Variants in TMEM131 observed in about 807,000 individuals in gnomAD.
TMEM131 encodes 2610524E03Rik.
A neutral mutation model predicts 211.6 loss-of-function variants in TMEM131; 66 were observed. The ratio of observed to expected loss-of-function variants is 0.31; its 90% CI spans 0.26 to 0.38. The LOEUF (loss-of-function observed/expected upper bound fraction) is 0.38, where lower values mean the gene tolerates loss of function less well. TMEM131 is among the 10% of genes least tolerant of loss of function. The probability of loss-of-function intolerance (pLI) is 1.00; values close to 1 mark genes in which losing one functional copy is unlikely to be tolerated. For missense variants in TMEM131, 2,036 were observed against 2,299.3 expected, an observed-to-expected ratio of 0.89 and a Z score of 2.34; for synonymous variants, 844 against 841.3, an observed-to-expected ratio of 1.00 and a Z score of -0.06.
chr2:97,792,856 C>G lies in TMEM131; in HGVS notation c.3674G>C (p.Ser1225Thr), dbSNP rs1197379149. ...GPSVHPHSSH[S>T]NRNSADVENV... ...TTCCACGTCAGCTGAGTTTCTATTG[C>G]TGTGACTGCTGTGTGGGTGGACCGA... The change falls in exon 31 of 41, where the codon AGC (serine) becomes ACC (threonine). Residue 1225 changes from serine (S) to threonine (T), a missense_variant. Physicochemically the swap from Ser to Thr is moderately conservative, Grantham distance 58 (BLOSUM62 1). This residue lies in a region of TMEM131 where 1,623 missense variants were observed against 1,805.9 expected (regional missense o/e 0.90). Coordinates refer to ENST00000186436, the MANE Select transcript of TMEM131 (RefSeq NM_015348.2). The G allele has an allele frequency of 1.2e-6, 2 of 1,613,692 alleles. No individual in the cohort carries two copies. Among genetic ancestry groups the G allele is most frequent in the Non-Finnish European group, 1.7e-6 (2 of 1,179,892 alleles).
intron 3 of TMEM131, among the ~76,000 whole-genome samples, chr2:97,901,917 T>C (rs1192303860): frequency 6.6e-6 from 1 of 152,094 alleles, no homozygotes; most frequent in Non-Finnish European, 1.5e-5. Flanking sequence ...CAACCATATA[T>C]TGCATATTTC....
At chr2:97,793,108 G>A (rs1680583063) in intron 30 of TMEM131, 124 bp from the exon 31 acceptor site, 1 of 727,166 alleles carries the variant, frequency 1.4e-6, no homozygotes, top group Non-Finnish European at 2.2e-6. Flanking sequence ...AAAATAGCAA[G>A]AAATAGGGAA....
rs779408831 is a variant in TMEM131 at position 97,805,443 on chromosome 2, G to C, written c.2217C>G (p.Asn739Lys). 4 of 1,613,938 alleles carry C rather than the reference G, an allele frequency of 2.5e-6. No individual in the cohort carries two copies. Among genetic ancestry groups the C allele is most frequent in the Non-Finnish European group, 3.4e-6 (4 of 1,179,868 alleles). ...ACTGTAGTCCAGGATCAAAATAAAT[G>C]TTTGCAATCTATAAAGAGGCACAGG... Reference protein sequence around the residue: ...LEPGKKSKIANIYFDPGLQCG... With the variant: ...LEPGKKSKIAKIYFDPGLQCG... The change falls in exon 21 of 41, where the codon AAC becomes AAG. Residue 739 changes from asparagine to lysine, a missense_variant. Physicochemically the swap from Asn to Lys is moderately conservative, Grantham distance 94. Coordinates refer to ENST00000186436, the MANE Select transcript of TMEM131 (RefSeq NM_015348.2).
At chr2:97,871,135 A>G (rs1265363111) in intron 4 of TMEM131, among the ~76,000 whole-genome samples, 1 of 152,214 alleles carries the variant, frequency 6.6e-6, no homozygotes, top group Non-Finnish European at 1.5e-5. Context: ...TCTGAATGTA[A>G]TAATTATATA....
Position 97,841,684 on chromosome 2 carries a change from T to C in TMEM131, c.723+131A>G, listed in dbSNP as rs2105098388. 7.2e-6 allele frequency: 7 copies of C among 977,410 alleles called. No individual in the cohort carries two copies. In the East Asian group the frequency reaches 1.6e-4, roughly 23 times the overall value. 60.5% of individuals were successfully genotyped at this position (977,410 alleles called of 1,614,324 possible). A position where few individuals can be genotyped will look rare whatever the true frequency, so the allele number is the denominator to read the frequency against. ...CTGCAGCAAGCTGTACTAAAAGTAA[T>C]ACCCCTCTCAATACACTATAAAACC... On this transcript the variant is annotated intron_variant, in intron 7 of 40. Coordinates refer to ENST00000186436, the MANE Select transcript of TMEM131 (RefSeq NM_015348.2).
At chr2:97,986,003 T>C (rs900168640) in intron 1 of TMEM131, among the ~76,000 whole-genome samples, 8 of 147,570 alleles carry the variant, frequency 5.4e-5, no homozygotes, top group Non-Finnish European at 1.2e-4. Context: ...AATAAAAAAT[T>C]CAAATGCAAA....
chr2:97,784,741 A>G (rs900958800), intron 31 of TMEM131, among the ~76,000 whole-genome samples: 21 of 152,172 alleles, frequency 1.4e-4, no homozygotes, highest in Admixed American at 1.4e-3. Flanking sequence ...CAAAGATAAT[A>G]ACAAAGATAA....
At chr2:97,791,698 G>A (rs1360553353) in intron 31 of TMEM131, among the ~76,000 whole-genome samples, 2 of 152,228 alleles carry the variant, frequency 1.3e-5, no homozygotes, top group Non-Finnish European at 2.9e-5. Flanking sequence ...CCTGACCACA[G>A]AAACTGTGAG....
intron 38 of TMEM131, 132 bp downstream of exon 38, chr2:97,760,461 T>C (rs1678769843): frequency 2.3e-6 from 2 of 853,746 alleles, no homozygotes; most frequent in South Asian, 1.6e-5. Context: ...TAGAGGCACT[T>C]GACCACTTCT....
chr2:97,836,624 A>C (rs1682952213), intron 8 of TMEM131, among the ~76,000 whole-genome samples: 1 of 152,220 alleles, frequency 6.6e-6, no homozygotes, highest in Non-Finnish European at 1.5e-5. Flanking sequence ...CAGGCACTTG[A>C]CTAGGTTCTC....
chr2:97,802,741 ATAT>A lies in TMEM131; in HGVS notation c.2449_2451del (p.Ile817del). 1.3e-6 allele frequency: 2 copies of A among 1,576,904 alleles called. No individual in the cohort carries two copies. The highest frequency in any genetic ancestry group is 1.7e-6 in the Non-Finnish European group (2 of 1,167,602). The stretch of plus-strand genomic sequence containing the variant: ...CAGGAGAGCTCAGCAGTGATTTTTG[ATAT>A]TATATTTTTTTGAAGGTCTGTATTT... On this transcript the variant is annotated inframe_deletion, in exon 23 of 41. Transcript: ENST00000186436.
chr2:97,919,124 CTTCATAAGA>C (rs779085982), intron 2 of TMEM131, among the ~76,000 whole-genome samples: 11 of 152,224 alleles, frequency 7.2e-5, no homozygotes, highest in South Asian at 2.1e-4. Flanking sequence ...AGTTGTCAAG[CTTCATAAGA>C]TTTAGCCTTA....
At chr2:97,840,815 A>T (rs537508881) in intron 7 of TMEM131, among the ~76,000 whole-genome samples, 20 of 152,220 alleles carry the variant, frequency 1.3e-4, no homozygotes, top group African/African-American at 4.6e-4. Context: ...AACTGGGGCT[A>T]TCTTCACCCA....
At chr2:97,874,329 A>G (rs1048426607) in intron 4 of TMEM131, among the ~76,000 whole-genome samples, 12 of 152,242 alleles carry the variant, frequency 7.9e-5, no homozygotes, top group Admixed American at 2.6e-4. Flanking sequence ...AACTTCTCCA[A>G]TCTAGCAAGA....
rs183382887 is a variant in TMEM131 at position 97,938,792 on chromosome 2, G to A, written c.188-11305C>T. ...CATAGTTGGAAGTAAAGCACTCCTC[G>A]GCAAATGTAAAAGAATAGAAATTAT... On this transcript the variant is annotated intron_variant, in intron 1 of 40. Transcript: ENST00000186436. 3.2e-3 allele frequency among the ~76,000 whole-genome samples: 490 copies of A among 152,062 alleles called. 2 individuals are homozygous for A. Among genetic ancestry groups the A allele is most frequent in the African/African-American group, 0.011 (436 of 41,448 alleles).
At chr2:97,789,938 C>T (rs1008828703) in intron 31 of TMEM131, among the ~76,000 whole-genome samples, 2 of 152,172 alleles carry the variant, frequency 1.3e-5, no homozygotes, top group African/African-American at 4.8e-5. Flanking sequence ...GTGTGGCTTG[C>T]AAGCCATCCA....
chr2:97,956,691 T>TA (rs1678581675), intron 1 of TMEM131, among the ~76,000 whole-genome samples: 6 of 126,446 alleles, frequency 4.7e-5, no homozygotes, highest in Non-Finnish European at 1.0e-4. Flanking sequence ...GTAAACTAGA[T>TA]TTTTTTTTTA....
intron 17 of TMEM131, 29 bp from the exon 18 acceptor site, chr2:97,811,261 T>C (rs777798765): frequency 6.5e-7 from 1 of 1,544,060 alleles, no homozygotes; most frequent in Non-Finnish European, 8.9e-7. Context: ...GTATCATTCA[T>C]TAGCCTTGTT....
At chr2:97,949,604 G>A (rs1173374425) in intron 1 of TMEM131, among the ~76,000 whole-genome samples, 1 of 151,898 alleles carries the variant, frequency 6.6e-6, no homozygotes, top group Non-Finnish European at 1.5e-5. Context: ...CACAAGGTCA[G>A]GAGATCGAGC....
Sources: allele counts gnomAD v4.1 joint callset (sites outside exome capture counted in the v4.1 genomes callset), GRCh38; gene constraint gnomAD v4.1.1; regional missense constraint gnomAD v4.1.1; transcripts MANE v1.5; gene names NCBI Gene and HGNC (gene_info 2026-07-23, HGNC 2026-07-21).